PIK3C2A: variants seen among roughly 807,000 people sequenced by gnomAD.
PIK3C2A encodes phosphatidylinositol 4-phosphate 3-kinase C2 domain-containing subunit alpha.
PIK3C2A carries 97 observed loss-of-function variants against 204.5 expected under a neutral mutation model. The ratio of observed to expected loss-of-function variants is 0.47; its 90% CI spans 0.40 to 0.56. PIK3C2A has a LOEUF of 0.56. PIK3C2A is among the 20% of genes least tolerant of loss of function. The pLI is 0.00. For missense variants in PIK3C2A, 1,735 were observed against 1,969.2 expected (o/e 0.88, Z 2.25); for synonymous variants, 653 against 664.4 (o/e 0.98, Z 0.26).
chr11:17,117,443 C>A (rs1445477782), intron 19 of PIK3C2A, 48 bp downstream of exon 19: 1 of 1,321,518 alleles, frequency 7.6e-7, no homozygotes, highest in Admixed American at 1.9e-5. Context: ...CCATAAAGAT[C>A]CTTCCTTTAA....
chr11:17,164,962 A>G lies in PIK3C2A; in HGVS notation c.1065+3715T>C, dbSNP rs561681158. On this transcript the variant is annotated intron_variant, in intron 2 of 32. Coordinates refer to ENST00000691414, the MANE Select transcript of PIK3C2A (RefSeq NM_002645.4). ...TATTTTAAATACATAAGAAAAAATA[A>G]ATGTAGGGAGACTTACATGGGTGTC... Among the ~76,000 whole-genome samples, 6 of 152,290 alleles carry G rather than the reference A, an allele frequency of 3.9e-5. No individual in the cohort carries two copies. In the East Asian group the frequency reaches 9.7e-4, roughly 25 times the overall value.
chr11:17,180,527 A>AC (rs1851507743), intron 1 of PIK3C2A, among the ~76,000 whole-genome samples: 1 of 130,506 alleles, frequency 7.7e-6, no homozygotes, highest in Non-Finnish European at 1.6e-5. Context: ...ACAACAAAAA[A>AC]CAAAAAAAAA....
intron 1 of PIK3C2A, among the ~76,000 whole-genome samples, chr11:17,175,079 T>A (rs998265034): frequency 1.3e-5 from 2 of 152,212 alleles, no homozygotes; most frequent in African/African-American, 2.4e-5. Flanking sequence ...CTAGATTTTT[T>A]AAAATTAGTT....
intron 2 of PIK3C2A, among the ~76,000 whole-genome samples, chr11:17,155,863 G>A (rs565373548): frequency 2.7e-4 from 41 of 152,082 alleles, no homozygotes; most frequent in Middle Eastern, 6.8e-3. Flanking sequence ...AGGCTATACC[G>A]GTCAGTAAGA....
Position 17,122,222 on chromosome 11 carries a change from G to C in PIK3C2A, c.2623C>G (p.Leu875Val), listed in dbSNP as rs1268331013. The C allele has an allele frequency of 1.3e-6, 2 of 1,579,270 alleles. No individual in the cohort carries two copies. The highest frequency in any genetic ancestry group is 1.7e-6 in the Non-Finnish European group (2 of 1,150,774). ...GAGTCTTTATGAAGAATATCAAGAA[G>C]TTTCCCTTTTATATCATTCTCTAGT... ...ETLENDIKGK[L>V]LDILHKDSSL... Residue 875 changes from leucine (L) to valine (V), a missense_variant, in exon 15 of 33, where the codon CTT (leucine) becomes GTT (valine). Leu to Val is a conservative substitution (Grantham distance 32). Around this residue, in one of 6 missense-constraint regions of PIK3C2A, gnomAD observed 567 missense variants for 576.0 expected, o/e 0.98. Transcript: ENST00000691414.
intron 19 of PIK3C2A, chr11:17,115,529 A>C (rs1158995259): frequency 6.7e-6 from 1 of 149,108 alleles, no homozygotes; most frequent in African/African-American, 2.5e-5. Context: ...CAACAGAGAG[A>C]CCTCATCTCA....
chr11:17,137,288 G>A (rs1045404125), intron 8 of PIK3C2A, among the ~76,000 whole-genome samples: 1 of 151,916 alleles, frequency 6.6e-6, no homozygotes, highest in Non-Finnish European at 1.5e-5. Context: ...TGTAGTCCTC[G>A]GAGCCTGTTT....
At position 17,169,876 on chromosome 11, in the gene PIK3C2A, C is replaced by T. The variant is rs998749223; in HGVS notation, c.-65-70G>A. 1.1e-5 allele frequency: 7 copies of T among 629,946 alleles called. No homozygotes were observed. The African/African-American group carries it at 1.3e-4, about 12-fold the overall frequency. 39.0% of individuals were successfully genotyped at this position (629,946 alleles called of 1,614,324 possible). On this transcript the variant is annotated intron_variant, in intron 1 of 32. Transcript: ENST00000691414. ...TAAATATATTTTGTTTGCAACCTAC[C>T]CCATATGACTTTGGACTTTAAGCCA...
At chr11:17,159,893 C>T (rs368652802) in intron 2 of PIK3C2A, among the ~76,000 whole-genome samples, 1 of 152,300 alleles carries the variant, frequency 6.6e-6, no homozygotes, top group African/African-American at 2.4e-5. Flanking sequence ...GATGTTCCAG[C>T]TTCAAAGCAG....
chr11:17,102,593 C>T, intron 24 of PIK3C2A, 69 bp downstream of exon 24: 1 of 1,322,716 alleles, frequency 7.6e-7, no homozygotes, highest in Non-Finnish European at 1.1e-6. Context: ...AAACACAAAG[C>T]TTGAGACAAA....
rs144604411 is a variant in PIK3C2A at position 17,178,318 on chromosome 11, C to A, written c.-65-8512G>T. Among the ~76,000 whole-genome samples the A allele has an allele frequency of 3.9e-5, 6 of 152,110 alleles. No homozygotes were observed. The South Asian group carries it at 8.3e-4, about 21-fold the overall frequency. ...ATCTCAATTTGGACTAGTTACATTT[C>A]AAGTGCTCAGCAGACAAAGGTATCT... On this transcript the variant is annotated intron_variant, in intron 1 of 32. Transcript: ENST00000691414.
chr11:17,204,997 G>C (rs902488406), intron 1 of PIK3C2A, among the ~76,000 whole-genome samples: 1 of 152,032 alleles, frequency 6.6e-6, no homozygotes, highest in Non-Finnish European at 1.5e-5. Flanking sequence ...GACCAACATG[G>C]TGAAACCCCG....
chr11:17,114,888 T>A (rs1417494196), intron 19 of PIK3C2A, among the ~76,000 whole-genome samples: 1 of 152,190 alleles, frequency 6.6e-6, no homozygotes, highest in Non-Finnish European at 1.5e-5. Flanking sequence ...ATGTCGCTCT[T>A]GACTCAGCTA....
intron 11 of PIK3C2A, among the ~76,000 whole-genome samples, chr11:17,132,261 TA>T (rs2137381474): frequency 6.6e-6 from 1 of 151,862 alleles, no homozygotes; most frequent in South Asian, 2.1e-4. Context: ...TGTAAGTTCC[TA>T]GGTCCCAGTT....
chr11:17,139,493 G>C (rs1370769417), intron 8 of PIK3C2A, among the ~76,000 whole-genome samples: 2 of 152,128 alleles, frequency 1.3e-5, no homozygotes, highest in African/African-American at 4.8e-5. Flanking sequence ...TAAAGTGCTA[G>C]GATTACAGGC....
Position 17,089,241 on chromosome 11 carries a change from G to C in PIK3C2A, c.*497C>G, listed in dbSNP as rs889032648. 6.6e-6 allele frequency: 1 copy of C among 152,234 alleles called. No individual in the cohort carries two copies. Among genetic ancestry groups the C allele is most frequent in the African/African-American group, 2.4e-5 (1 of 41,432 alleles). The allele number at this position is 152,234 out of a possible 1,614,324, so 9.4% of individuals were successfully genotyped here. On this transcript the variant is annotated 3_prime_UTR_variant, in exon 33 of 33. Coordinates refer to ENST00000691414, the MANE Select transcript of PIK3C2A (RefSeq NM_002645.4). ...AAACTACTTAGTAGTTCTTAACTTAGCTATCTATTATTTGTGCTTTGTTTT... is the reference window on the plus strand; with the variant it reads ...AAACTACTTAGTAGTTCTTAACTTACCTATCTATTATTTGTGCTTTGTTTT...
At chr11:17,112,473 A>T (rs1441124409) in intron 21 of PIK3C2A, 101 bp downstream of exon 21, 18 of 519,022 alleles carry the variant, frequency 3.5e-5, no homozygotes, top group South Asian at 2.7e-5. Flanking sequence ...AATAAATAAT[A>T]AAAAAAATAT....
intron 23 of PIK3C2A, among the ~76,000 whole-genome samples, chr11:17,104,784 G>A (rs189357321): frequency 1.3e-4 from 20 of 151,498 alleles, no homozygotes; most frequent in East Asian, 1.2e-3. Flanking sequence ...CTTGGGACGG[G>A]ACCTGAATTC....
intron 22 of PIK3C2A, among the ~76,000 whole-genome samples, chr11:17,109,321 G>A (rs573925046): frequency 1.6e-4 from 25 of 152,288 alleles, no homozygotes; most frequent in African/African-American, 5.5e-4. Context: ...TCTAAAATAT[G>A]AGTACCATAT....
Sources: gnomAD v4.1 joint callset for allele counts (sites outside exome capture counted in the v4.1 genomes callset) on GRCh38, gnomAD v4.1.1 for gene constraint, gnomAD v4.1.1 regional missense constraint, MANE v1.5 for transcripts, NCBI Gene and HGNC (gene_info 2026-07-23, HGNC 2026-07-21) for gene names.